The following SLC16A7 variants were observed in gnomAD, a reference collection of about 807,000 sequenced individuals.
The protein encoded by SLC16A7 is monocarboxylate transporter 2.
In SLC16A7, 33 loss-of-function variants were observed where a neutral mutation model predicts 34.9. The ratio of observed to expected loss-of-function variants is 0.94; its 90% confidence interval spans 0.72 to 1.26. The LOEUF (loss-of-function observed/expected upper bound fraction) is 1.26, where lower values mean the gene tolerates loss of function less well. SLC16A7 is among the 50% of genes most tolerant of loss of function. The pLI is 0.00. For missense variants in SLC16A7, 573 were observed against 578.1 expected (o/e 0.99, Z 0.09); for synonymous variants, 201 against 206.6 (o/e 0.97, Z 0.23).
At chr12:59,705,214 T>G (rs1460884686) in intron 3 of SLC16A7, among the ~76,000 whole-genome samples, 196 bp downstream of exon 3, 2 of 152,188 alleles carry the variant, frequency 1.3e-5, no homozygotes. Flanking sequence ...TGCTTCGAAT[T>G]GAGTCTTAAT....
chr12:59,634,548 C>T (rs535018918), intron 1 of SLC16A7, among the ~76,000 whole-genome samples: 4 of 151,980 alleles, frequency 2.6e-5, no homozygotes, highest in South Asian at 4.1e-4. Flanking sequence ...CCAACCTTAA[C>T]GAGATTCTTA....
chr12:59,604,755 G>A (rs1878855140), intron 1 of SLC16A7, among the ~76,000 whole-genome samples: 1 of 152,172 alleles, frequency 6.6e-6, no homozygotes, highest in Admixed American at 6.5e-5. Context: ...ATTTTAATCT[G>A]TTGAACAAAA....
chr12:59,786,033 G>A lies in SLC16A7; in HGVS notation c.*6354G>A, dbSNP rs28701946. 1 of 132,982 alleles carries A rather than the reference G, an allele frequency of 7.5e-6. No individual in the cohort carries two copies. The highest frequency in any genetic ancestry group is 2.8e-5 in the African/African-American group (1 of 35,100). 8.2% of individuals were successfully genotyped at this position (132,982 alleles called of 1,614,324 possible). On this transcript the variant is annotated 3_prime_UTR_variant, in exon 6 of 6. Transcript: ENST00000547379. ...GGGAACATCACACTCTGGGGACTGT[G>A]GTGGGGTCGGGGGAGGGGGGAGGGA...
intron 1 of SLC16A7, among the ~76,000 whole-genome samples, chr12:59,629,319 A>C (rs1880075033): frequency 6.6e-6 from 1 of 151,878 alleles, no homozygotes; most frequent in Non-Finnish European, 1.5e-5. Flanking sequence ...TATCTGTCTC[A>C]ATTTCTGCCA....
intron 1 of SLC16A7, among the ~76,000 whole-genome samples, chr12:59,645,368 C>T (rs1880862001): frequency 6.6e-6 from 1 of 152,146 alleles, no homozygotes; most frequent in Admixed American, 6.5e-5. Flanking sequence ...CCCATAGTCA[C>T]CACATGCTGT....
chr12:59,727,170 A>ATATATATATAAT (rs1555174538), intron 3 of SLC16A7, among the ~76,000 whole-genome samples: 10,316 of 143,972 alleles, frequency 0.072, 458 homozygotes, highest in Middle Eastern at 0.16. Context: ...ATATATATAT[A>ATATATATATAAT]ATATATATAT....
At chr12:59,767,394 T>A (rs1042762245) in intron 3 of SLC16A7, among the ~76,000 whole-genome samples, 1 of 152,010 alleles carries the variant, frequency 6.6e-6, no homozygotes, top group East Asian at 2.0e-4. Context: ...TATCTAGGAC[T>A]TTCATTGGTA....
intron 3 of SLC16A7, among the ~76,000 whole-genome samples, chr12:59,751,065 G>A (rs1879479240): frequency 6.6e-6 from 1 of 151,584 alleles, no homozygotes; most frequent in African/African-American, 2.4e-5. Flanking sequence ...CTGTCGGGGG[G>A]CGGGGGGCTA....
intron 2 of SLC16A7, among the ~76,000 whole-genome samples, chr12:59,681,466 G>T (rs1870744447): frequency 6.6e-6 from 1 of 151,698 alleles, no homozygotes; most frequent in Non-Finnish European, 1.5e-5. Flanking sequence ...TTTTTATCTA[G>T]ATACTTCTGT....
chr12:59,614,824 TAAAAAA>T (rs71448588), intron 1 of SLC16A7, among the ~76,000 whole-genome samples: 3 of 35,744 alleles, frequency 8.4e-5, no homozygotes, highest in Admixed American at 9.0e-4. Context: ...CCATTCCTAC[TAAAAAA>T]AAAAAAAAAA....
At chr12:59,607,123 CA>C (rs1387305174) in intron 1 of SLC16A7, among the ~76,000 whole-genome samples, 1 of 151,952 alleles carries the variant, frequency 6.6e-6, no homozygotes, top group African/African-American at 2.4e-5. Context: ...ACTTAGCCTG[CA>C]AAACCTGACA....
chr12:59,645,700 A>AT (rs1880878633), intron 1 of SLC16A7, among the ~76,000 whole-genome samples: 1 of 152,168 alleles, frequency 6.6e-6, no homozygotes, highest in South Asian at 2.1e-4. Context: ...ATACCCAAAA[A>AT]TGTGGAAGCA....
At chr12:59,745,100 C>T (rs1037373425) in intron 3 of SLC16A7, among the ~76,000 whole-genome samples, 1 of 152,090 alleles carries the variant, frequency 6.6e-6, no homozygotes, top group Non-Finnish European at 1.5e-5. Context: ...TACACCCCTC[C>T]CCTCATCTCC....
At chr12:59,598,517 A>G (rs1245295945) in intron 1 of SLC16A7, among the ~76,000 whole-genome samples, 1 of 152,188 alleles carries the variant, frequency 6.6e-6, no homozygotes, top group Non-Finnish European at 1.5e-5. Context: ...GATGGAAGAA[A>G]CATATATCCA....
intron 1 of SLC16A7, among the ~76,000 whole-genome samples, chr12:59,607,306 G>A (rs1878991197): frequency 6.6e-6 from 1 of 152,192 alleles, no homozygotes; most frequent in South Asian, 2.1e-4. Flanking sequence ...GCTAGTCGTA[G>A]TAAGTGCCAC....
chr12:59,721,097 C>T (rs1172461672), intron 3 of SLC16A7, among the ~76,000 whole-genome samples: 1 of 152,022 alleles, frequency 6.6e-6, no homozygotes, highest in East Asian at 1.9e-4. Flanking sequence ...GCCCGAAATG[C>T]TGCTTGGTAA....
chr12:59,747,059 T>G (rs764455480), intron 3 of SLC16A7, among the ~76,000 whole-genome samples: 1 of 152,184 alleles, frequency 6.6e-6, no homozygotes, highest in African/African-American at 2.4e-5. Context: ...CTCTAAATCC[T>G]GTGCTCAAGA....
At chr12:59,662,863 A>G (rs1383984824) in intron 2 of SLC16A7, among the ~76,000 whole-genome samples, 1 of 152,150 alleles carries the variant, frequency 6.6e-6, no homozygotes, top group Non-Finnish European at 1.5e-5. Flanking sequence ...AATTTTTTGT[A>G]TATTTGCTTA....
chr12:59,632,817 T>A (rs958735081), intron 1 of SLC16A7, among the ~76,000 whole-genome samples: 29 of 151,998 alleles, frequency 1.9e-4, no homozygotes, highest in Admixed American at 3.9e-4. Context: ...GTATTCAAAG[T>A]AGCAATTAAA....
Sources: allele counts gnomAD v4.1 joint callset (sites outside exome capture counted in the v4.1 genomes callset), GRCh38; gene constraint gnomAD v4.1.1; transcripts MANE v1.5; gene names NCBI Gene and HGNC (gene_info 2026-07-23, HGNC 2026-07-21).